CNOT3: variants seen among roughly 807,000 people sequenced by gnomAD.
The protein encoded by CNOT3 is CCR4-NOT transcription complex subunit 3.
In CNOT3, 2 loss-of-function variants were observed where a neutral mutation model predicts 89.4. The ratio of observed to expected loss-of-function variants is 0.02; its 90% CI spans 0.01 to 0.07. The LOEUF is 0.07. CNOT3 is among the 10% of genes least tolerant of loss of function. CNOT3 has a pLI of 1.00. For missense variants in CNOT3, 664 were observed against 1,010.2 expected (o/e 0.66, Z 4.65); for synonymous variants, 486 against 402.0 (o/e 1.21, Z -2.50).
In CNOT3 at chr19:54,144,179, G is replaced by C. The variant is rs776290464; in HGVS notation, c.387+45G>C. 6 of 1,612,038 alleles carry C rather than the reference G, an allele frequency of 3.7e-6. No homozygotes were observed. In the Admixed American group the frequency reaches 1.0e-4, roughly 27 times the overall value. ...AGGAGGTGAACTCTGAGGATCCTGA[G>C]CCCTGGGTGTAGGCGGAACCCTAGC... On this transcript the variant is annotated intron_variant, in intron 6 of 17. Coordinates refer to ENST00000221232, the MANE Select transcript of CNOT3 (RefSeq NM_014516.4). This position sits in a 1 kb window ranked among gnomAD's most constrained non-coding sequence, Gnocchi z 4.8.
rs2074650120 is a variant in CNOT3, at chr19:54,145,939, A to G, written c.733A>G (p.Ser245Gly). The G allele has an allele frequency of 6.2e-7, 1 of 1,613,188 alleles. No homozygotes were observed. Residue 245 changes from serine (S) to glycine (G), a missense_variant, in exon 9 of 18, where the codon AGC (serine) becomes GGC (glycine). Ser to Gly is a moderately conservative substitution (Grantham distance 56). This residue lies in a region of CNOT3 where 545 missense variants were observed against 566.2 expected (regional missense o/e 0.96). Transcript: ENST00000221232. This position sits in a 1 kb window ranked among gnomAD's most constrained non-coding sequence, Gnocchi z 5.9. ...GGCGCTGGTCGCCACCTCCCCCCCC[A>G]GCCACAGCCACATGGAGGATGAGAT... ...PQALVATSPP[S>G]HSHMEDEIFN...
At chr19:54,139,931 T>G (rs2074380741) in intron 1 of CNOT3, among the ~76,000 whole-genome samples, 1 of 152,148 alleles carries the variant, frequency 6.6e-6, no homozygotes, top group South Asian at 2.1e-4. Context: ...AGAGCCTCTG[T>G]GTGGCCACGT....
chr19:54,155,519 C>G lies in CNOT3; in HGVS notation c.*112C>G. 1 of 928,608 alleles carries G rather than the reference C, an allele frequency of 1.1e-6. No individual in the cohort carries two copies. The highest frequency in any genetic ancestry group is 2.6e-5 in the East Asian group (1 of 37,850). The allele number at this position is 928,608 out of a possible 1,614,324, so 57.5% of individuals were successfully genotyped here. A position where few individuals can be genotyped will look rare whatever the true frequency, so the allele number is the denominator to read the frequency against. ...AGGCCCCAAGCCACGGGGCATCCCC[C>G]TCTCCCAGGAAGCAGGGAGGGGGCC... is the stretch of plus-strand genomic sequence containing the variant. On this transcript the variant is annotated 3_prime_UTR_variant, in exon 18 of 18. Coordinates refer to ENST00000221232, the MANE Select transcript of CNOT3 (RefSeq NM_014516.4).
At chr19:54,151,543 C>A (rs2075108449) in intron 13 of CNOT3, among the ~76,000 whole-genome samples, 1 of 152,196 alleles carries the variant, frequency 6.6e-6, no homozygotes, top group East Asian at 1.9e-4. Flanking sequence ...ATGGATAAGC[C>A]TTGGCGACTG....
rs1276276209 is a variant in CNOT3, at chr19:54,144,828, G to A, written c.483+496G>A. Among the ~76,000 whole-genome samples the A allele has an allele frequency of 6.6e-6, 1 of 152,122 alleles. No homozygotes were observed. Among genetic ancestry groups the A allele is most frequent in the East Asian group, 1.9e-4 (1 of 5,194 alleles). ...CAGGTTCTAAAATCCGGGATTGTGG[G>A]GTATGAGTTCAAAGGGATACAAACT... On this transcript the variant is annotated intron_variant, in intron 7 of 17. Transcript: ENST00000221232. The surrounding 1 kb of genome is among the most constrained non-coding windows in gnomAD (Gnocchi z 4.8).
Position 54,149,542 on chromosome 19 carries a change from TC to T in CNOT3, c.1407-16del, listed in dbSNP as rs778273564. ...AGGGACCCTCCTCTCAACCCCCTCT[TC>T]CATGCTCTCTCTCCAGGAAGGAACC... On this transcript the variant is annotated splice_polypyrimidine_tract_variant and intron_variant, in intron 12 of 17. Transcript: ENST00000221232. 1.5e-4 allele frequency: 222 copies of T among 1,527,652 alleles called. No homozygotes were observed. The highest frequency in any genetic ancestry group is 1.8e-4 in the Non-Finnish European group (207 of 1,132,448). The allele number at this position is 1,527,652 out of a possible 1,614,324, so 94.6% of individuals were successfully genotyped here. A position where few individuals can be genotyped will look rare whatever the true frequency, so the allele number is the denominator to read the frequency against.
rs758628765 is a variant in CNOT3, at chr19:54,149,693, G to A, written c.1540G>A (p.Asp514Asn). ...CAGCTCCCCAACGCCCAGCTTCAGT[G>A]ATGCCAAGGCAGCCGGTGCCCTGCT... ...PPSSPTPSFS[D>N]AKAAGALLNG... is the part of the protein sequence containing the mutation. Residue 514 changes from aspartate to asparagine, a missense_variant, in exon 13 of 18, where the codon GAT (aspartate) becomes AAT (asparagine). Coordinates refer to ENST00000221232, the MANE Select transcript of CNOT3 (RefSeq NM_014516.4). 6.2e-7 allele frequency: 1 copy of A among 1,614,046 alleles called. No individual in the cohort carries two copies. The highest frequency in any genetic ancestry group is 8.5e-7 in the Non-Finnish European group (1 of 1,179,982).
At chr19:54,152,758 C>A in intron 15 of CNOT3, 109 bp from the exon 16 acceptor site, 1 of 889,738 alleles carries the variant, frequency 1.1e-6, no homozygotes, top group South Asian at 1.5e-5. Context: ...CAGCACCGCC[C>A]TGGGTCTTTC....
At chr19:54,140,708 G>A (rs2074414740) in intron 1 of CNOT3, among the ~76,000 whole-genome samples, 1 of 152,140 alleles carries the variant, frequency 6.6e-6, no homozygotes, top group South Asian at 2.1e-4. Context: ...CTCAGCTGTA[G>A]CCGACTTCGA....
Position 54,144,775 on chromosome 19 carries a change from T to G in CNOT3, c.483+443T>G, listed in dbSNP as rs1481588512. ...AACCAGGCCTGAAGGAAGACAGGAGTCTGGGACAAAGCTGGATGTTGGGGT... is the reference window on the plus strand; with the variant it reads ...AACCAGGCCTGAAGGAAGACAGGAGGCTGGGACAAAGCTGGATGTTGGGGT... On this transcript the variant is annotated intron_variant, in intron 7 of 17. Coordinates refer to ENST00000221232, the MANE Select transcript of CNOT3 (RefSeq NM_014516.4). This position sits in a 1 kb window ranked among gnomAD's most constrained non-coding sequence, Gnocchi z 4.8. Among the ~76,000 whole-genome samples, 3 of 151,820 alleles carry G rather than the reference T, an allele frequency of 2.0e-5. No individual in the cohort carries two copies. Among genetic ancestry groups the G allele is most frequent in the Admixed American group, 6.6e-5 (1 of 15,252 alleles).
At chr19:54,154,092 G>A (rs2075292520) in intron 17 of CNOT3, 2 of 687,584 alleles carry the variant, frequency 2.9e-6, no homozygotes, top group Non-Finnish European at 5.4e-6. Context: ...AACCTTCCTG[G>A]AGCCACCCAG....
rs372533185 is a variant in CNOT3 at position 54,155,441 on chromosome 19, C to T, written c.*34C>T. The T allele has an allele frequency of 1.6e-4, 222 of 1,419,932 alleles. No individual in the cohort carries two copies. The highest frequency in any genetic ancestry group is 2.7e-4 in the Admixed American group (14 of 51,304). The allele number at this position is 1,419,932 out of a possible 1,614,324, so 88.0% of individuals were successfully genotyped here. ...CCTCCCTCTACCCACCCCCTTCCCC[C>T]GCATGCTGATCCCCCTGCCCAGGTG... On this transcript the variant is annotated 3_prime_UTR_variant, in exon 18 of 18. Transcript: ENST00000221232.
intron 1 of CNOT3, among the ~76,000 whole-genome samples, chr19:54,139,860 C>T (rs587641019): frequency 6.6e-6 from 1 of 152,096 alleles, no homozygotes; most frequent in African/African-American, 2.4e-5. Flanking sequence ...TGGCATGGGG[C>T]ATCTCAGTGG....
Position 54,152,996 on chromosome 19 carries a change from G to A in CNOT3, c.2034G>A (p.Leu678=), listed in dbSNP as rs776231916. The change falls in exon 16 of 18, where the codon CTG becomes CTA. Residue 678 remains leucine, a synonymous_variant. Coordinates refer to ENST00000221232, the MANE Select transcript of CNOT3 (RefSeq NM_014516.4). Reference sequence around the variant, plus strand: ...CACTCTTCTTCATCTTCTACTATCTGGAGGTACAGCAGGGCCCCCGGGGCA... The same window carrying A: ...CACTCTTCTTCATCTTCTACTATCTAGAGGTACAGCAGGGCCCCCGGGGCA... The part of the protein sequence containing the change: ...TETLFFIFYY[L]EGTKAQYLAA... 2 of 1,605,122 alleles carry A rather than the reference G, an allele frequency of 1.2e-6. No homozygotes were observed. Among genetic ancestry groups the A allele is most frequent in the South Asian group, 1.1e-5 (1 of 90,544 alleles).
chr19:54,154,574 GT>G (rs1316158467), intron 17 of CNOT3: 1 of 156,102 alleles, frequency 6.4e-6, no homozygotes. Flanking sequence ...CTACAGTGAT[GT>G]TTTTTTCCAC....
rs373363548 is a variant in CNOT3, at chr19:54,148,755, G to A, written c.1406+12G>A. 4.3e-5 allele frequency: 70 copies of A among 1,609,396 alleles called. 1 individual carries two copies. The African/African-American group carries it at 5.6e-4, about 13-fold the overall frequency. ...CCTCCCAGCACCTCGTGAGTGTCTCGGCCATCGGCAGGGTTGGGATGGCAG... is the reference window on the plus strand; with the variant it reads ...CCTCCCAGCACCTCGTGAGTGTCTCAGCCATCGGCAGGGTTGGGATGGCAG... On this transcript the variant is annotated intron_variant, in intron 12 of 17. Transcript: ENST00000221232. This position sits in a 1 kb window ranked among gnomAD's most constrained non-coding sequence, Gnocchi z 6.3.
intron 13 of CNOT3, among the ~76,000 whole-genome samples, chr19:54,150,107 C>T (rs182719327): frequency 1.3e-3 from 193 of 152,248 alleles, no homozygotes; most frequent in African/African-American, 4.5e-3. Flanking sequence ...AAGGCATAGA[C>T]TGGTGTACTT....
intron 13 of CNOT3, among the ~76,000 whole-genome samples, chr19:54,150,537 T>C (rs2075017422): frequency 9.0e-6 from 1 of 110,578 alleles, no homozygotes; most frequent in Non-Finnish European, 2.2e-5. Context: ...CAGTATACTG[T>C]AGCGCAGCTT....
At chr19:54,138,726 C>T (rs1417024430) in intron 1 of CNOT3, among the ~76,000 whole-genome samples, 1 of 152,242 alleles carries the variant, frequency 6.6e-6, no homozygotes, top group Non-Finnish European at 1.5e-5. Context: ...GTTTCCACCT[C>T]TGTAGTCTGC....
Sources: allele counts gnomAD v4.1 joint callset (sites outside exome capture counted in the v4.1 genomes callset), GRCh38; gene constraint gnomAD v4.1.1; regional missense constraint gnomAD v4.1.1; non-coding constraint Gnocchi (gnomAD v3.1); transcripts MANE v1.5; gene names NCBI Gene and HGNC (gene_info 2026-07-23, HGNC 2026-07-21).